Variants in RIMS2 observed in about 807,000 individuals in gnomAD.
The protein encoded by RIMS2 is regulating synaptic membrane exocytosis 2, also known as regulating synaptic membrane exocytosis protein 2.
RIMS2 carries 59 observed loss-of-function variants against 174.4 expected under a neutral mutation model. The observed-to-expected ratio is 0.34, with a 90% CI of 0.27 to 0.42. RIMS2 has a LOEUF of 0.42. Among genes scored for constraint, RIMS2 ranks in the 10% least tolerant of loss-of-function variants. RIMS2 has a pLI of 1.00. For synonymous variants in RIMS2, 606 were observed against 572.5 expected, an observed-to-expected ratio of 1.06 and a Z score of -0.84; for missense variants, 1,620 against 1,666.3, an observed-to-expected ratio of 0.97 and a Z score of 0.48.
chr8:103,768,384 A>G, intron 3 of RIMS2: 8 of 741,714 alleles, frequency 1.1e-5, no homozygotes, highest in South Asian at 9.7e-5. Flanking sequence ...ATGGCCACAG[A>G]AGTTGCTGCT....
intron 3 of RIMS2, among the ~76,000 whole-genome samples, chr8:103,884,178 G>A (rs1443685375): frequency 6.6e-6 from 1 of 151,748 alleles, no homozygotes; most frequent in Non-Finnish European, 1.5e-5. Flanking sequence ...GATTTTGCCA[G>A]GTTGGGTCAT....
chr8:103,531,665 A>T (rs1329617985), intron 1 of RIMS2, among the ~76,000 whole-genome samples: 2 of 152,206 alleles, frequency 1.3e-5, no homozygotes, highest in Non-Finnish European at 2.9e-5. Flanking sequence ...CTCATAAAAA[A>T]TATGGAGTTC....
At chr8:104,109,818 G>T (rs560490069) in intron 19 of RIMS2, among the ~76,000 whole-genome samples, 1 of 152,222 alleles carries the variant, frequency 6.6e-6, no homozygotes, top group African/African-American at 2.4e-5. Flanking sequence ...TAGAGATTGT[G>T]GACAATGTTT....
intron 3 of RIMS2, among the ~76,000 whole-genome samples, chr8:103,834,000 C>CATTTATTT (rs1168129728): frequency 6.6e-6 from 1 of 151,442 alleles, no homozygotes; most frequent in Non-Finnish European, 1.5e-5. Flanking sequence ...TTTGTTTGTT[C>CATTTATTT]ATTTATTTAT....
intron 19 of RIMS2, chr8:104,148,680 A>G (rs1443313637): frequency 6.3e-7 from 1 of 1,598,222 alleles, no homozygotes; most frequent in African/African-American, 1.3e-5. Flanking sequence ...CACCAGCATC[A>G]GTGGAGACAT....
At chr8:104,223,769 A>C (rs1401003673) in intron 19 of RIMS2, 1 of 1,595,924 alleles carries the variant, frequency 6.3e-7, no homozygotes, top group Admixed American at 1.7e-5. Flanking sequence ...TCCCTGCATG[A>C]ACTCCCTGGA....
intron 19 of RIMS2, among the ~76,000 whole-genome samples, chr8:104,222,110 T>G (rs965081475): frequency 6.6e-6 from 1 of 152,218 alleles, no homozygotes. Flanking sequence ...CTGACAACTC[T>G]TTTTGAATTG....
chr8:103,702,453 C>T (rs914946312), intron 2 of RIMS2, among the ~76,000 whole-genome samples: 2 of 151,892 alleles, frequency 1.3e-5, no homozygotes, highest in Non-Finnish European at 2.9e-5. Context: ...TTTCATTTGT[C>T]AATATTTGCT....
chr8:103,699,683 C>G (rs2097146873), intron 2 of RIMS2, among the ~76,000 whole-genome samples: 1 of 151,636 alleles, frequency 6.6e-6, no homozygotes, highest in Non-Finnish European at 1.5e-5. Context: ...GAGATCATTG[C>G]CTTGAAACTT....
chr8:104,167,424 A>G (rs928727432), intron 19 of RIMS2, among the ~76,000 whole-genome samples: 18 of 152,128 alleles, frequency 1.2e-4, no homozygotes, highest in Admixed American at 1.0e-3. Flanking sequence ...TTTCCTGACA[A>G]TTAGTGATGT....
At chr8:104,073,308 A>G (rs1014236986) in intron 19 of RIMS2, among the ~76,000 whole-genome samples, 1 of 152,182 alleles carries the variant, frequency 6.6e-6, no homozygotes, top group Admixed American at 6.5e-5. Flanking sequence ...CATATTTAAT[A>G]TTTTTAAATG....
chr8:103,533,149 C>A (rs1268698393), intron 1 of RIMS2, among the ~76,000 whole-genome samples: 1 of 152,152 alleles, frequency 6.6e-6, no homozygotes, highest in Non-Finnish European at 1.5e-5. Flanking sequence ...AAGTGGTTCT[C>A]TTGTTAGCCA....
intron 1 of RIMS2, among the ~76,000 whole-genome samples, chr8:103,584,322 C>A (rs2093782282): frequency 6.6e-6 from 1 of 152,098 alleles, no homozygotes; most frequent in East Asian, 1.9e-4. Flanking sequence ...CTAGACCTGT[C>A]ATCAAGAAAT....
intron 19 of RIMS2, among the ~76,000 whole-genome samples, chr8:104,054,185 G>T (rs2154559239): frequency 6.6e-6 from 1 of 152,174 alleles, no homozygotes; most frequent in African/African-American, 2.4e-5. Context: ...CCATCTAATT[G>T]TTAATTCCTG....
intron 19 of RIMS2, among the ~76,000 whole-genome samples, chr8:104,229,108 A>G (rs961415710): frequency 6.6e-6 from 1 of 152,218 alleles, no homozygotes; most frequent in Non-Finnish European, 1.5e-5. Flanking sequence ...TTCATCCTTT[A>G]ACAGGTTCAC....
intron 19 of RIMS2, among the ~76,000 whole-genome samples, chr8:104,199,138 T>A (rs1430196709): frequency 1.3e-5 from 2 of 152,176 alleles, no homozygotes; most frequent in Non-Finnish European, 2.9e-5. Context: ...CTCGGCTCAC[T>A]GCAAGCTCCG....
intron 19 of RIMS2, chr8:104,093,564 A>G (rs1167055993): frequency 6.3e-7 from 1 of 1,597,474 alleles, no homozygotes; most frequent in African/African-American, 1.3e-5. Flanking sequence ...GGTTTCAAGG[A>G]CTAGTAGTGC....
chr8:104,219,490 T>C (rs988385186), intron 19 of RIMS2, among the ~76,000 whole-genome samples: 1 of 152,242 alleles, frequency 6.6e-6, no homozygotes, highest in African/African-American at 2.4e-5. Context: ...AGTGGCATAA[T>C]TACTATGTTT....
chr8:104,003,611 C>T (rs1261049147), intron 17 of RIMS2, among the ~76,000 whole-genome samples: 1 of 151,890 alleles, frequency 6.6e-6, no homozygotes, highest in Non-Finnish European at 1.5e-5. Flanking sequence ...ATGGTTTTTC[C>T]CCATGTTGGC....
Sources: gnomAD v4.1 joint callset for allele counts (sites outside exome capture counted in the v4.1 genomes callset) on GRCh38, gnomAD v4.1.1 for gene constraint, MANE v1.5 for transcripts, NCBI Gene and HGNC (gene_info 2026-07-23, HGNC 2026-07-21) for gene names.